Variants in NFU1 observed in about 807,000 individuals in gnomAD.
NFU1 encodes NFU1 iron-sulfur cluster scaffold.
Under a neutral mutation model 32.2 loss-of-function variants are expected in NFU1, and 30 were observed. The ratio of observed to expected loss-of-function variants is 0.93; its 90% CI spans 0.70 to 1.26. The LOEUF (loss-of-function observed/expected upper bound fraction) is 1.26. NFU1 is among the 50% of genes most tolerant of loss of function. The pLI, the probability that NFU1 is intolerant of heterozygous loss-of-function variation, is 0.00. For missense variants in NFU1, 306 were observed against 306.6 expected (o/e 1.00, Z 0.02); for synonymous variants, 112 against 104.6 (o/e 1.07, Z -0.43).
At chr2:69,411,880 G>A (rs536083072) in intron 5 of NFU1, among the ~76,000 whole-genome samples, 10 of 152,066 alleles carry the variant, frequency 6.6e-5, no homozygotes, top group African/African-American at 1.7e-4. Flanking sequence ...GGTGTGGGGC[G>A]TGGTGTCCAG....
chr2:69,423,619 GA>G lies in NFU1; in HGVS notation c.264del (p.Thr90ProfsTer20), dbSNP rs745720855. On this transcript the variant is annotated frameshift_variant, in exon 3 of 8. Transcript: ENST00000410022. LOFTEE classifies it high-confidence loss of function. ...KPVLETRTMD[F>X]PTPAAAFRSP... Reference sequence around the variant, plus strand: ...GAGCGAAATGCTGCAGCTGGGGTGGGAAAATCCATGGTCCTTGTCTCAAGAA... The same window carrying G: ...GAGCGAAATGCTGCAGCTGGGGTGGGAAATCCATGGTCCTTGTCTCAAGAA... 1.3e-5 allele frequency: 21 copies of G among 1,613,718 alleles called. No individual in the cohort carries two copies. The highest frequency in any genetic ancestry group is 8.3e-5 in the Admixed American group (5 of 59,970).
chr2:69,398,650 C>A lies in NFU1; in HGVS notation c.720+1714G>T, dbSNP rs1274747333. On this transcript the variant is annotated intron_variant, in intron 7 of 7. Transcript: ENST00000410022. ...CACATATCTTCTGAAGCATGTATACCCATTCCTCCTGGTATATAAGCCCTG... is the reference window on the plus strand; with the variant it reads ...CACATATCTTCTGAAGCATGTATACACATTCCTCCTGGTATATAAGCCCTG... 3.9e-5 allele frequency among the ~76,000 whole-genome samples: 6 copies of A among 152,158 alleles called. 1 individual carries two copies. Among genetic ancestry groups the A allele is most frequent in the Non-Finnish European group, 8.8e-5 (6 of 68,044 alleles).
intron 3 of NFU1, among the ~76,000 whole-genome samples, chr2:69,423,168 A>G (rs55718076): frequency 0.6 from 65,125 of 107,848 alleles, 17,827 homozygotes; most frequent in African/African-American, 0.78. Flanking sequence ...GTGTGTGTGT[A>G]TGTGTGTGTG....
upstream of NFU1, chr2:69,437,593 G>C (rs1415091310): frequency 3.8e-6 from 3 of 790,314 alleles, no homozygotes; most frequent in Non-Finnish European, 6.4e-6. Context: ...AGGCTACTGC[G>C]TCACCCTGAC....
intron 3 of NFU1, among the ~76,000 whole-genome samples, chr2:69,423,251 T>A (rs1194230929): frequency 4.7e-3 from 100 of 21,118 alleles, no homozygotes; most frequent in Non-Finnish European, 6.4e-3. Context: ...TGAGTGTGTG[T>A]GTGTGTGTGT....
intron 1 of NFU1, among the ~76,000 whole-genome samples, chr2:69,432,381 C>A (rs571479575): frequency 3.3e-5 from 5 of 152,202 alleles, no homozygotes; most frequent in African/African-American, 7.2e-5. Context: ...TCAAGACCAG[C>A]CTGACCAACA....
chr2:69,426,316 C>T (rs1433106149), intron 2 of NFU1, among the ~76,000 whole-genome samples: 3 of 151,026 alleles, frequency 2.0e-5, no homozygotes, highest in African/African-American at 7.3e-5. Flanking sequence ...GATTGAGTCT[C>T]GCTCTGTCGC....
At chr2:69,431,591 G>GCCA (rs1461081564) in intron 2 of NFU1, among the ~76,000 whole-genome samples, 1 of 152,186 alleles carries the variant, frequency 6.6e-6, no homozygotes, top group Non-Finnish European at 1.5e-5. Context: ...ACAGGCATGA[G>GCCA]CCACCACACC....
At chr2:69,396,572 G>A (rs996066322) in intron 7 of NFU1, among the ~76,000 whole-genome samples, 6 of 152,100 alleles carry the variant, frequency 3.9e-5, no homozygotes, top group Middle Eastern at 3.4e-3. Context: ...AGGATGGCGT[G>A]AACCTGGGAA....
At chr2:69,433,057 G>A (rs1260759071) in intron 1 of NFU1, among the ~76,000 whole-genome samples, 1 of 141,174 alleles carries the variant, frequency 7.1e-6, no homozygotes, top group Non-Finnish European at 1.5e-5. Flanking sequence ...GGCTGAGGCA[G>A]AGGAATCGCT....
chr2:69,437,711 T>A, upstream of NFU1: 1 of 546,896 alleles, frequency 1.8e-6, no homozygotes, highest in Non-Finnish European at 3.3e-6. Context: ...TTGGCTAGGT[T>A]TTTAGCTGGT....
intron 2 of NFU1, among the ~76,000 whole-genome samples, chr2:69,424,198 A>AAAAATATATAT (rs1558840147): frequency 1.3e-5 from 1 of 74,544 alleles, no homozygotes; most frequent in African/African-American, 5.3e-5. Context: ...AAAAAAAAAA[A>AAAAATATATAT]ATATATATAT....
chr2:69,404,516 G>T (rs1167065980), intron 6 of NFU1, among the ~76,000 whole-genome samples: 2 of 150,416 alleles, frequency 1.3e-5, no homozygotes, highest in African/African-American at 4.9e-5. Flanking sequence ...ATACACCATG[G>T]AATGGCTAAA....
chr2:69,396,100 G>T (rs760118284), downstream of NFU1: 8 of 668,994 alleles, frequency 1.2e-5, no homozygotes, highest in East Asian at 1.9e-4. Flanking sequence ...ACTCATATGA[G>T]GTAAAGCAAA....
chr2:69,435,186 G>T (rs1673788716), intron 1 of NFU1, among the ~76,000 whole-genome samples: 1 of 152,138 alleles, frequency 6.6e-6, no homozygotes. Flanking sequence ...TTTTGGGAAA[G>T]GGCTATTATC....
chr2:69,397,873 C>A (rs1171680755), intron 7 of NFU1, among the ~76,000 whole-genome samples: 1 of 145,280 alleles, frequency 6.9e-6, no homozygotes, highest in African/African-American at 2.6e-5. Context: ...AAGATCAAGC[C>A]ATTGTACTCC....
At chr2:69,434,619 T>C (rs999609845) in intron 1 of NFU1, among the ~76,000 whole-genome samples, 3 of 152,252 alleles carry the variant, frequency 2.0e-5, no homozygotes, top group African/African-American at 7.2e-5. Context: ...TCCGGTTTAC[T>C]TGAAAATATC....
At chr2:69,402,935 G>A (rs937152508) in intron 6 of NFU1, among the ~76,000 whole-genome samples, 3 of 149,028 alleles carry the variant, frequency 2.0e-5, no homozygotes, top group Non-Finnish European at 3.0e-5. Context: ...TTGCCTACCC[G>A]AAGGTCATAC....
intron 5 of NFU1, among the ~76,000 whole-genome samples, chr2:69,414,233 C>G (rs1408112492): frequency 6.6e-6 from 1 of 151,976 alleles, no homozygotes; most frequent in South Asian, 2.1e-4. Flanking sequence ...CTATCCAGCA[C>G]ATAAAATGAG....
Sources: allele counts gnomAD v4.1 joint callset (sites outside exome capture counted in the v4.1 genomes callset), GRCh38; gene constraint gnomAD v4.1.1; transcripts MANE v1.5; gene names NCBI Gene and HGNC (gene_info 2026-07-23, HGNC 2026-07-21).